Variants in CCNI observed in about 807,000 individuals in gnomAD.
CCNI encodes cyclin I.
Under a neutral mutation model 34.1 loss-of-function variants are expected in CCNI, and 14 were observed. The observed-to-expected ratio is 0.41, with a 90% CI of 0.27 to 0.64. CCNI has a LOEUF of 0.64. Among genes scored for constraint, CCNI ranks in the 30% least tolerant of loss-of-function variants. CCNI has a pLI of 0.31. For synonymous variants in CCNI, 154 were observed against 158.4 expected, an observed-to-expected ratio of 0.97 and a Z score of 0.21; for missense variants, 385 against 440.5, an observed-to-expected ratio of 0.87 and a Z score of 1.13.
Position 77,075,670 on chromosome 4 carries a change from A to C in CCNI, c.-242T>G. 2 of 615,532 alleles carry C rather than the reference A, an allele frequency of 3.2e-6. No homozygotes were observed. The highest frequency in any genetic ancestry group is 4.1e-6 in the Non-Finnish European group (2 of 491,430). 38.1% of individuals were successfully genotyped at this position (615,532 alleles called of 1,614,324 possible). On this transcript the variant is annotated 5_prime_UTR_variant, in exon 1 of 7. Coordinates refer to ENST00000237654, the MANE Select transcript of CCNI (RefSeq NM_006835.3). ...GCGCGGGCGCGGGCGCTGGCGCTCG[A>C]GCGGGACGCACGGCTGCGGCCGCTG...
intron 1 of CCNI, among the ~76,000 whole-genome samples, chr4:77,069,668 ACT>A (rs2109844598): frequency 7.6e-6 from 1 of 130,840 alleles, no homozygotes; most frequent in African/African-American, 3.0e-5. Context: ...TTTATTACTC[ACT>A]GTGTCCACAG....
intron 3 of CCNI, among the ~76,000 whole-genome samples, chr4:77,057,009 G>C (rs1294875505): frequency 6.6e-6 from 1 of 151,946 alleles, no homozygotes; most frequent in Non-Finnish European, 1.5e-5. Flanking sequence ...CTATCCAGCA[G>C]AAAAAAAGCT....
chr4:77,075,627 G>C lies in CCNI; in HGVS notation c.-199C>G, dbSNP rs1018390367. The C allele has an allele frequency of 3.1e-6, 3 of 955,876 alleles. No homozygotes were observed. In the African/African-American group the frequency reaches 5.3e-5, roughly 17 times the overall value. 59.2% of individuals were successfully genotyped at this position (955,876 alleles called of 1,614,324 possible). Reference sequence around the variant, plus strand: ...ACTCGGCCAACTGAGGAGGGAGAAAGGGGAAGCGGATCGGGGGGCGCGGGC... The same window carrying C: ...ACTCGGCCAACTGAGGAGGGAGAAACGGGAAGCGGATCGGGGGGCGCGGGC... On this transcript the variant is annotated 5_prime_UTR_variant, in exon 1 of 7. Transcript: ENST00000237654.
rs546590660 is a variant in CCNI, at chr4:77,071,196, A to G, written c.-44+4276T>C. The stretch of plus-strand genomic sequence containing the variant: ...ATGGATTCCCGTTCTCCAATTGCCT[A>G]TAATTAAAGCCCTCAGTATGACTTT... On this transcript the variant is annotated intron_variant, in intron 1 of 6. Coordinates refer to ENST00000237654, the MANE Select transcript of CCNI (RefSeq NM_006835.3). 2.6e-5 allele frequency among the ~76,000 whole-genome samples: 4 copies of G among 152,368 alleles called. No individual in the cohort carries two copies. In the South Asian group the frequency reaches 8.3e-4, roughly 32 times the overall value.
In CCNI at chr4:77,048,683, A is replaced by C. The variant is rs747433249; in HGVS notation, c.691-21T>G. ...TCCATCTGGGCCAGGAAAAAAAAAA[A>C]GCCACACACAGTTGATCATTAATTA... On this transcript the variant is annotated intron_variant, in intron 6 of 6. Coordinates refer to ENST00000237654, the MANE Select transcript of CCNI (RefSeq NM_006835.3). 9.5e-6 allele frequency: 14 copies of C among 1,470,176 alleles called. No individual in the cohort carries two copies. In the Admixed American group the frequency reaches 3.3e-4, roughly 35 times the overall value. The allele number at this position is 1,470,176 out of a possible 1,614,324, so 91.1% of individuals were successfully genotyped here.
At chr4:77,068,154 G>A (rs1418012794) in intron 1 of CCNI, among the ~76,000 whole-genome samples, 1 of 152,004 alleles carries the variant, frequency 6.6e-6, no homozygotes, top group Non-Finnish European at 1.5e-5. Flanking sequence ...CTCCAGCCTG[G>A]CGACAGAGCA....
intron 1 of CCNI, among the ~76,000 whole-genome samples, chr4:77,067,576 G>A (rs562051115): frequency 1.3e-5 from 2 of 151,824 alleles, no homozygotes; most frequent in East Asian, 1.9e-4. Context: ...CTGCAGCCTC[G>A]AACTCCTGGG....
chr4:77,049,952 T>C (rs1428791336), intron 6 of CCNI, among the ~76,000 whole-genome samples: 2 of 152,144 alleles, frequency 1.3e-5, no homozygotes, highest in Non-Finnish European at 2.9e-5. Flanking sequence ...ATTCCTTCCC[T>C]GCTCTCTCCA....
In CCNI at chr4:77,048,009, TTC is replaced by T. The variant is rs919518381; in HGVS notation, c.*208_*209del. 7.0e-5 allele frequency: 29 copies of T among 414,502 alleles called. No homozygotes were observed. Among genetic ancestry groups the T allele is most frequent in the African/African-American group, 1.8e-4 (8 of 44,292 alleles). 25.7% of individuals were successfully genotyped at this position (414,502 alleles called of 1,614,324 possible). On this transcript the variant is annotated 3_prime_UTR_variant, in exon 7 of 7. Coordinates refer to ENST00000237654, the MANE Select transcript of CCNI (RefSeq NM_006835.3). The stretch of plus-strand genomic sequence containing the variant: ...TAAAAAAAGTTTGGATCTTTTGGAT[TTC>T]TTTTTTTTTTTTTTGGTCTTTATGT...
rs1350473972 is a variant in CCNI at position 77,075,662 on chromosome 4, G to GGCGCTC, written c.-240_-235dup. On this transcript the variant is annotated 5_prime_UTR_variant, in exon 1 of 7. Transcript: ENST00000237654. ...ATCGGGGGGCGCGGGCGCGGGCGCT[G>GGCGCTC]GCGCTCGAGCGGGACGCACGGCTGC... The GGCGCTC allele has an allele frequency of 1.3e-5, 9 of 711,744 alleles. No homozygotes were observed. The highest frequency in any genetic ancestry group is 6.3e-5 in the Admixed American group (1 of 15,842). 44.1% of individuals were successfully genotyped at this position (711,744 alleles called of 1,614,324 possible). A position where few individuals can be genotyped will look rare whatever the true frequency, so the allele number is the denominator to read the frequency against.
intron 1 of CCNI, among the ~76,000 whole-genome samples, chr4:77,070,241 T>G (rs993119036): frequency 6.6e-6 from 1 of 152,024 alleles, no homozygotes. Context: ...GGTCTTGAAC[T>G]CCTGACCTCA....
At position 77,047,751 on chromosome 4, in the gene CCNI, A is replaced by G. The variant is rs1727527430; in HGVS notation, c.*468T>C. On this transcript the variant is annotated 3_prime_UTR_variant, in exon 7 of 7. Coordinates refer to ENST00000237654, the MANE Select transcript of CCNI (RefSeq NM_006835.3). ...AACTTGAGTCATGGCTGTCACACTG[A>G]AATAATTTGTTCATTCAACTGCAGT... 1.3e-5 allele frequency: 2 copies of G among 154,376 alleles called. No homozygotes were observed. The highest frequency in any genetic ancestry group is 6.4e-5 in the Admixed American group (1 of 15,656). 9.6% of individuals were successfully genotyped at this position (154,376 alleles called of 1,614,324 possible). A position where few individuals can be genotyped will look rare whatever the true frequency, so the allele number is the denominator to read the frequency against.
At position 77,066,381 on chromosome 4, in the gene CCNI, C is replaced by G; in HGVS notation, c.-19G>C. On this transcript the variant is annotated 5_prime_UTR_variant, in exon 2 of 7. Coordinates refer to ENST00000237654, the MANE Select transcript of CCNI (RefSeq NM_006835.3). ...ACTTCATGATATCCTTTGGATCTGCCTGCTACCCAGCTTGCTGTAGCTACC... is the reference window on the plus strand; with the variant it reads ...ACTTCATGATATCCTTTGGATCTGCGTGCTACCCAGCTTGCTGTAGCTACC... The G allele has an allele frequency of 6.2e-7, 1 of 1,613,550 alleles. No homozygotes were observed. The highest frequency in any genetic ancestry group is 8.5e-7 in the Non-Finnish European group (1 of 1,179,760).
At chr4:77,074,147 T>C (rs982249696) in intron 1 of CCNI, among the ~76,000 whole-genome samples, 2 of 152,206 alleles carry the variant, frequency 1.3e-5, no homozygotes, top group Non-Finnish European at 2.9e-5. Flanking sequence ...GCTTCCAATC[T>C]TGACCAACAC....
chr4:77,069,329 G>A (rs1729283777), intron 1 of CCNI, among the ~76,000 whole-genome samples: 1 of 152,086 alleles, frequency 6.6e-6, no homozygotes, highest in African/African-American at 2.4e-5. Context: ...AGGTTGCAGT[G>A]AGCCAAAATC....
rs763615986 is a variant in CCNI at position 77,048,402 on chromosome 4, C to G, written c.951G>C (p.Lys317Asn). 5.0e-6 allele frequency: 8 copies of G among 1,613,992 alleles called. No individual in the cohort carries two copies. The African/African-American group carries it at 8.0e-5, about 16-fold the overall frequency. Residue 317 changes from lysine (K) to asparagine (N), a missense_variant, in exon 7 of 7, where the codon AAG (lysine) becomes AAC (asparagine). This residue lies in a region of CCNI where 250 missense variants were observed against 248.7 expected (regional missense o/e 1.01). Transcript: ENST00000237654. ...CTACTTTGCGTTTAGTAGAGGTCTG[C>G]TTGCACCCACTGGCAGCTGGGAGAT... ...YHHLPAASGC[K>N]QTSTKRKVEE... is the part of the protein sequence containing the mutation.
At chr4:77,056,586 CTTTTTTTTTTTT>C (rs35437385) in intron 3 of CCNI, 1 of 157,582 alleles carries the variant, frequency 6.3e-6, no homozygotes, top group African/African-American at 3.2e-5. Flanking sequence ...CTAGAGCTAA[CTTTTTTTTTTTT>C]TTTTTTTTTG....
chr4:77,060,864 A>T (rs1560777010), intron 2 of CCNI, among the ~76,000 whole-genome samples: 1 of 152,014 alleles, frequency 6.6e-6, no homozygotes, highest in Non-Finnish European at 1.5e-5. Context: ...ACCTCAAGTG[A>T]TCTACCCATC....
intron 1 of CCNI, among the ~76,000 whole-genome samples, chr4:77,074,078 G>A (rs1284000145): frequency 6.6e-6 from 1 of 152,098 alleles, no homozygotes; most frequent in African/African-American, 2.4e-5. Flanking sequence ...ACATACATAG[G>A]AAGATGAATA....
Sources: gnomAD v4.1 joint callset for allele counts (sites outside exome capture counted in the v4.1 genomes callset) on GRCh38, gnomAD v4.1.1 for gene constraint, gnomAD v4.1.1 regional missense constraint, MANE v1.5 for transcripts, NCBI Gene and HGNC (gene_info 2026-07-23, HGNC 2026-07-21) for gene names.